Variants in CACNA1C observed in about 807,000 individuals in gnomAD.
CACNA1C encodes the protein calcium voltage-gated channel subunit alpha1 C.
In CACNA1C, 30 loss-of-function variants were observed where a neutral mutation model predicts 229.0. That is an observed-to-expected ratio of 0.13 (90% CI 0.10 to 0.18). The LOEUF is 0.18. Among genes scored for constraint, CACNA1C ranks in the 10% least tolerant of loss-of-function variants. The probability of loss-of-function intolerance (pLI) is 1.00; values close to 1 mark genes in which losing one functional copy is unlikely to be tolerated. For synonymous variants in CACNA1C, 1,114 were observed against 1,132.5 expected (o/e 0.98, Z 0.33); for missense variants, 1,658 against 2,845.0 (o/e 0.58, Z 9.49).
At chr12:2,052,476 C>T (rs75639014), upstream of CACNA1C, among the ~76,000 whole-genome samples, 9,780 of 152,026 alleles carry the variant, frequency 0.064, 965 homozygotes, top group East Asian at 0.47. Context: ...TGGAATTCCG[C>T]TCACAGAGGC....
intron 9 of CACNA1C, chr12:2,547,533 C>T: frequency 1.3e-6 from 1 of 779,596 alleles, no homozygotes. Flanking sequence ...TGGTAATGTT[C>T]CCCTGTGCTC....
intron 3 of CACNA1C, among the ~76,000 whole-genome samples, chr12:2,372,716 C>T (rs1261744029): frequency 1.3e-5 from 2 of 152,254 alleles, no homozygotes; most frequent in Non-Finnish European, 2.9e-5. Context: ...CAATCCCTAT[C>T]GCCTCCCTTT....
At chr12:2,191,168 G>T (rs558139750) in intron 3 of CACNA1C, among the ~76,000 whole-genome samples, 2 of 152,156 alleles carry the variant, frequency 1.3e-5, no homozygotes, top group Non-Finnish European at 2.9e-5. Context: ...GGGAGATGTG[G>T]GGTGTGGGGT....
At chr12:2,325,599 A>G (rs1295191432) in intron 3 of CACNA1C, among the ~76,000 whole-genome samples, 1 of 152,270 alleles carries the variant, frequency 6.6e-6, no homozygotes, top group Non-Finnish European at 1.5e-5. Context: ...ATACGGGGAT[A>G]AGTGAAGTTA....
chr12:2,503,358 G>T (rs1297341803), intron 7 of CACNA1C, among the ~76,000 whole-genome samples: 1 of 152,232 alleles, frequency 6.6e-6, no homozygotes, highest in Non-Finnish European at 1.5e-5. Flanking sequence ...CAAGGACAAA[G>T]TTGGGTGCAT....
intron 8 of CACNA1C, among the ~76,000 whole-genome samples, chr12:2,506,990 T>C (rs1418865762): frequency 4.6e-5 from 7 of 152,196 alleles, no homozygotes; most frequent in Admixed American, 1.3e-4. Flanking sequence ...GAAGCCACTT[T>C]GAAGGCCATA....
At position 2,505,059 on chromosome 12, in the gene CACNA1C, A is replaced by G. The variant is rs1246651634; in HGVS notation, c.1217+114A>G. ...TCTGATGAACCTGGGATAAGGGGTC[A>G]CCACAGGAGCCTTGAAGTGGATGTC... is the stretch of plus-strand genomic sequence containing the variant. On this transcript the variant is annotated intron_variant, in intron 8 of 46. Coordinates refer to ENST00000399655, the MANE Select transcript of CACNA1C (RefSeq NM_000719.7). 8 of 662,060 alleles carry G rather than the reference A, an allele frequency of 1.2e-5. No individual in the cohort carries two copies. The East Asian group carries it at 2.2e-4, about 18-fold the overall frequency. 41.0% of individuals were successfully genotyped at this position (662,060 alleles called of 1,614,324 possible).
chr12:2,664,302 A>G (rs1043040255), intron 34 of CACNA1C, among the ~76,000 whole-genome samples: 3 of 152,246 alleles, frequency 2.0e-5, no homozygotes, highest in African/African-American at 7.2e-5. Flanking sequence ...TCTAAGTTGG[A>G]CAAATCCTTG....
chr12:2,432,043 T>C (rs2099090979), intron 3 of CACNA1C, among the ~76,000 whole-genome samples: 1 of 152,200 alleles, frequency 6.6e-6, no homozygotes, highest in Admixed American at 6.5e-5. Flanking sequence ...TTTATTGTAC[T>C]CTGTTTTATA....
rs2073457609 is a variant in CACNA1C at position 2,602,922 on chromosome 12, A to AT, written c.2960+964dup. ...GGGAGACGGGGCAAGTGTTATCATG[A>AT]TTGTATAGATGGGAAATTTGGAGTT... On this transcript the variant is annotated intron_variant, in intron 22 of 46. Coordinates refer to ENST00000399655, the MANE Select transcript of CACNA1C (RefSeq NM_000719.7). This position sits in a 1 kb window ranked among gnomAD's most constrained non-coding sequence, Gnocchi z 4.4. Among the ~76,000 whole-genome samples the AT allele has an allele frequency of 6.6e-6, 1 of 152,106 alleles. No homozygotes were observed. The highest frequency in any genetic ancestry group is 6.5e-5 in the Admixed American group (1 of 15,278).
intron 3 of CACNA1C, among the ~76,000 whole-genome samples, chr12:2,243,613 T>A (rs1035347885): frequency 6.6e-6 from 1 of 152,222 alleles, no homozygotes; most frequent in African/African-American, 2.4e-5. Context: ...AATCCCTGGC[T>A]GTGGGGCAAC....
chr12:2,123,944 G>T (rs2088460573), intron 3 of CACNA1C, among the ~76,000 whole-genome samples: 1 of 152,078 alleles, frequency 6.6e-6, no homozygotes, highest in Non-Finnish European at 1.5e-5. Context: ...CCTTAGTAAG[G>T]GCGAAGTGTT....
chr12:2,491,397 A>T (rs1024042885), intron 6 of CACNA1C, among the ~76,000 whole-genome samples: 1 of 151,902 alleles, frequency 6.6e-6, no homozygotes, highest in Non-Finnish European at 1.5e-5. Flanking sequence ...AATAAAGCTG[A>T]TGGGGTCAGT....
At chr12:2,168,403 C>A (rs539924829) in intron 3 of CACNA1C, among the ~76,000 whole-genome samples, 2 of 152,322 alleles carry the variant, frequency 1.3e-5, no homozygotes, top group Non-Finnish European at 1.5e-5. Context: ...GTATTCCGAT[C>A]TTCCCATTAA....
intron 3 of CACNA1C, among the ~76,000 whole-genome samples, chr12:2,305,195 CT>C (rs1481610838): frequency 1.3e-5 from 2 of 152,228 alleles, no homozygotes; most frequent in Non-Finnish European, 2.9e-5. Flanking sequence ...CTTTTGCCCC[CT>C]AGCCCTCCCT....
At chr12:2,188,613 GAGAA>G (rs2097116247) in intron 3 of CACNA1C, among the ~76,000 whole-genome samples, 1 of 152,092 alleles carries the variant, frequency 6.6e-6, no homozygotes, top group African/African-American at 2.4e-5. Context: ...AAAATAAAAA[GAGAA>G]AGACACTGTT....
chr12:2,119,751 G>C (rs575374000), intron 2 of CACNA1C, among the ~76,000 whole-genome samples: 1 of 152,220 alleles, frequency 6.6e-6, no homozygotes, highest in Non-Finnish European at 1.5e-5. Flanking sequence ...ACCCCCTGCC[G>C]TACTCTTGGG....
intron 2 of CACNA1C, among the ~76,000 whole-genome samples, chr12:2,119,794 TGA>T (rs1363293440): frequency 6.6e-6 from 1 of 152,204 alleles, no homozygotes; most frequent in East Asian, 1.9e-4. Flanking sequence ...TGCCAGAGAA[TGA>T]GAGAGAAGAA....
intron 3 of CACNA1C, among the ~76,000 whole-genome samples, chr12:2,177,626 T>TTG (rs2096705233): frequency 1.1e-5 from 1 of 92,748 alleles, no homozygotes; most frequent in Non-Finnish European, 2.3e-5. Context: ...CCTTCCTTCC[T>TTG]TCTCTCTCTC....
Sources: gnomAD v4.1 joint callset for allele counts (sites outside exome capture counted in the v4.1 genomes callset) on GRCh38, gnomAD v4.1.1 for gene constraint, Gnocchi (gnomAD v3.1) non-coding constraint, MANE v1.5 for transcripts, NCBI Gene and HGNC (gene_info 2026-07-23, HGNC 2026-07-21) for gene names.